The following COPS7B variants were observed in gnomAD, a reference collection of about 807,000 sequenced individuals.
The protein encoded by COPS7B is COP9 signalosome complex subunit 7b.
In COPS7B, 9 loss-of-function variants were observed where a neutral mutation model predicts 33.4. The observed-to-expected ratio is 0.27, with a 90% CI of 0.16 to 0.47. The LOEUF (loss-of-function observed/expected upper bound fraction) is 0.47, where lower values mean the gene tolerates loss of function less well. Among genes scored for constraint, COPS7B ranks in the 20% least tolerant of loss-of-function variants. COPS7B has a pLI of 0.99. For missense variants in COPS7B, 242 were observed against 318.2 expected (o/e 0.76, Z 1.82); for synonymous variants, 119 against 126.3 (o/e 0.94, Z 0.39).
chr2:231,796,150 T>A lies in COPS7B; in HGVS notation c.372T>A (p.Asn124Lys). 6.2e-7 allele frequency: 1 copy of A among 1,614,160 alleles called. No individual in the cohort carries two copies. The highest frequency in any genetic ancestry group is 8.5e-7 in the Non-Finnish European group (1 of 1,180,026). ...TGCTGAAAGACCTGGAGATGCGGAA[T>A]CTCCGGGAACTAGAAGACCTTATCA... ...SVLLKDLEMR[N>K]LRELEDLIIE... Residue 124 changes from asparagine (N) to lysine (K), a missense_variant, in exon 5 of 7, where the codon AAT becomes AAA. By Grantham distance (94) the Asn-to-Lys change is moderately conservative. Coordinates refer to ENST00000350033, the MANE Select transcript of COPS7B (RefSeq NM_022730.4).
chr2:231,808,825 GTGTGTGTGTGTGTGTGTT>G lies in COPS7B; in HGVS notation c.*1184_*1201del, dbSNP rs2049972443. ...TGTGTGTGTGTGTGTGTGTGTGTGT[GTGTGTGTGTGTGTGTGTT>G]TGTAGGTCCTGGACTGATTAAAGTT... On this transcript the variant is annotated 3_prime_UTR_variant, in exon 7 of 7. Transcript: ENST00000350033. The G allele has an allele frequency of 4.0e-6, 1 of 250,282 alleles. No individual in the cohort carries two copies. Among genetic ancestry groups the G allele is most frequent in the East Asian group, 1.3e-4 (1 of 7,574 alleles). 15.5% of individuals were successfully genotyped at this position (250,282 alleles called of 1,614,324 possible).
At chr2:231,794,752 A>AT (rs1559362264) in intron 4 of COPS7B, among the ~76,000 whole-genome samples, 1 of 151,990 alleles carries the variant, frequency 6.6e-6, no homozygotes, top group African/African-American at 2.4e-5. Flanking sequence ...GACTTGCTAG[A>AT]TTTTTTGTTG....
chr2:231,803,314 G>C (rs935128080), intron 6 of COPS7B, among the ~76,000 whole-genome samples: 3 of 152,146 alleles, frequency 2.0e-5, no homozygotes, highest in African/African-American at 4.8e-5. Context: ...CAACAGAAGG[G>C]CATAGGGGGA....
chr2:231,787,758 C>G (rs2049293066), intron 1 of COPS7B, among the ~76,000 whole-genome samples: 2 of 152,168 alleles, frequency 1.3e-5, no homozygotes, highest in Admixed American at 6.5e-5. Context: ...TTAAATGAGA[C>G]ATCTTTCTTG....
chr2:231,786,730 G>C (rs1466441984), intron 1 of COPS7B, among the ~76,000 whole-genome samples, 192 bp downstream of exon 1: 1 of 152,152 alleles, frequency 6.6e-6, no homozygotes, highest in Non-Finnish European at 1.5e-5. Context: ...CGTGAGGTCT[G>C]CTGCAGCTTG....
rs1042230003 is a variant in COPS7B at position 231,808,999 on chromosome 2, G to A, written c.*1354G>A. 1.3e-5 allele frequency: 2 copies of A among 152,346 alleles called. No individual in the cohort carries two copies. Among genetic ancestry groups the A allele is most frequent in the Non-Finnish European group, 2.9e-5 (2 of 68,230 alleles). The allele number at this position is 152,346 out of a possible 1,614,324, so 9.4% of individuals were successfully genotyped here. On this transcript the variant is annotated 3_prime_UTR_variant, in exon 7 of 7. Transcript: ENST00000350033. ...TTAGGGTGGTTCAGGAAAATGTGAT[G>A]CTGTTTCCCCATGTTTAGCCATGGT...
intron 3 of COPS7B, chr2:231,793,874 T>A (rs2049490342): frequency 6.0e-6 from 1 of 167,354 alleles, no homozygotes; most frequent in African/African-American, 2.4e-5. Context: ...AGTTGTGCCA[T>A]GCAGCAGCCC....
At chr2:231,793,736 C>G (rs762564356) in intron 3 of COPS7B, 1 of 152,538 alleles carries the variant, frequency 6.6e-6, no homozygotes, top group Non-Finnish European at 1.5e-5. Flanking sequence ...CTCCTCTCTT[C>G]TAGTAGCTTG....
Position 231,808,537 on chromosome 2 carries a change from C to T in COPS7B, c.*892C>T, listed in dbSNP as rs1449272452. 2 of 471,174 alleles carry T rather than the reference C, an allele frequency of 4.2e-6. No homozygotes were observed. Among genetic ancestry groups the T allele is most frequent in the Admixed American group, 2.4e-5 (1 of 42,550 alleles). 29.2% of individuals were successfully genotyped at this position (471,174 alleles called of 1,614,324 possible). On this transcript the variant is annotated 3_prime_UTR_variant, in exon 7 of 7. Coordinates refer to ENST00000350033, the MANE Select transcript of COPS7B (RefSeq NM_022730.4). ...CGATGCCCCTCTGTCTGCTGAAGGA[C>T]CTGTTGCTGCTTCTGTCTTTTCACC...
Position 231,807,517 on chromosome 2 carries a change from A to G in COPS7B, c.667A>G (p.Thr223Ala), listed in dbSNP as rs750633175. 3 of 1,613,652 alleles carry G rather than the reference A, an allele frequency of 1.9e-6. No homozygotes were observed. The highest frequency in any genetic ancestry group is 1.7e-4 in the Middle Eastern group (1 of 6,060). Reference protein sequence around the residue: ...VTNIKKTLKATASSSAQEMEQ... With the variant: ...VTNIKKTLKAAASSSAQEMEQ... ...CAACATCAAGAAGACACTCAAAGCC[A>G]CCGCATCCTCCTCGGCTCAGGAGAT... Residue 223 changes from threonine to alanine, a missense_variant, in exon 7 of 7, where the codon ACC becomes GCC. Coordinates refer to ENST00000350033, the MANE Select transcript of COPS7B (RefSeq NM_022730.4).
intron 4 of COPS7B, among the ~76,000 whole-genome samples, chr2:231,794,795 G>C (rs1021727056): frequency 1.3e-5 from 2 of 152,174 alleles, no homozygotes; most frequent in Middle Eastern, 3.4e-3. Context: ...TCACTCTGTC[G>C]CCCAGGCTGG....
chr2:231,784,053 A>C (rs2049184164), upstream of COPS7B, among the ~76,000 whole-genome samples: 1 of 145,380 alleles, frequency 6.9e-6, no homozygotes, highest in Non-Finnish European at 1.5e-5. Context: ...AAAAAGAGCA[A>C]GCTTGAGCAT....
In COPS7B at chr2:231,801,833, A is replaced by G. The variant is rs1054891504; in HGVS notation, c.636+2869A>G. On this transcript the variant is annotated intron_variant, in intron 6 of 6. Coordinates refer to ENST00000350033, the MANE Select transcript of COPS7B (RefSeq NM_022730.4). The stretch of plus-strand genomic sequence containing the variant: ...GTTGCCTAGGCTGGAGTGCAGTGGC[A>G]TGATCTTGGCTCACTACTGCAACCT... Among the ~76,000 whole-genome samples the G allele has an allele frequency of 4.6e-5, 7 of 151,824 alleles. 1 individual carries two copies. The highest frequency in any genetic ancestry group is 1.3e-4 in the Admixed American group (2 of 15,240).
At chr2:231,791,588 G>T in intron 2 of COPS7B, 145 bp from the exon 3 acceptor site, 2 of 632,250 alleles carry the variant, frequency 3.2e-6, no homozygotes, top group Middle Eastern at 4.3e-4. Context: ...ACCAGAGTTG[G>T]TAGAGACCCC....
chr2:231,790,229 G>C (rs1233353337), intron 2 of COPS7B: 1 of 152,376 alleles, frequency 6.6e-6, no homozygotes, highest in Non-Finnish European at 1.5e-5. Context: ...TTTTGTAACT[G>C]TGGAAGATTG....
At position 231,796,127 on chromosome 2, in the gene COPS7B, C is replaced by T; in HGVS notation, c.349C>T (p.Leu117=). 1 of 1,613,894 alleles carries T rather than the reference C, an allele frequency of 6.2e-7. No individual in the cohort carries two copies. The highest frequency in any genetic ancestry group is 8.5e-7 in the Non-Finnish European group (1 of 1,179,822). ...ACAGTGTATCCCCTACTCCGTGTTG[C>T]TGAAAGACCTGGAGATGCGGAATCT... The part of the protein sequence containing the change: ...RMKCIPYSVL[L]KDLEMRNLRE... Residue 117 remains leucine, a synonymous_variant, in exon 5 of 7, where the codon CTG becomes TTG. Transcript: ENST00000350033.
intron 2 of COPS7B, chr2:231,791,082 AACGTAATTG>A (rs1265862352): frequency 6.5e-6 from 1 of 154,626 alleles, no homozygotes; most frequent in Non-Finnish European, 1.5e-5. Context: ...ACAACCAGTT[AACGTAATTG>A]ACAGCAGAGA....
At chr2:231,807,009 GT>G (rs1025385436) in intron 6 of COPS7B, among the ~76,000 whole-genome samples, 16 of 152,334 alleles carry the variant, frequency 1.1e-4, no homozygotes, top group African/African-American at 3.8e-4. Flanking sequence ...ACACGGTAGT[GT>G]CATAGCATTT....
rs2049945007 is a variant in COPS7B, at chr2:231,808,015, C to T, written c.*370C>T. ...AAGCCGGAGGCAGCTTTAACCAGCC[C>T]CCAGGGATGATTGTGAAGGAGGCCC... On this transcript the variant is annotated 3_prime_UTR_variant, in exon 7 of 7. Coordinates refer to ENST00000350033, the MANE Select transcript of COPS7B (RefSeq NM_022730.4). The T allele has an allele frequency of 5.0e-6, 1 of 201,472 alleles. No individual in the cohort carries two copies. The highest frequency in any genetic ancestry group is 1.0e-5 in the Non-Finnish European group (1 of 99,256). 12.5% of individuals were successfully genotyped at this position (201,472 alleles called of 1,614,324 possible).
Sources: allele counts gnomAD v4.1 joint callset (sites outside exome capture counted in the v4.1 genomes callset), GRCh38; gene constraint gnomAD v4.1.1; transcripts MANE v1.5; gene names NCBI Gene and HGNC (gene_info 2026-07-23, HGNC 2026-07-21).